COMMD1: variants seen among roughly 807,000 people sequenced by gnomAD.
COMMD1 encodes the protein copper metabolism domain containing 1, also known as COMM domain-containing protein 1.
Under a neutral mutation model 17.2 loss-of-function variants are expected in COMMD1, and 10 were observed. The observed-to-expected ratio is 0.58, with a 90% confidence interval of 0.36 to 0.99. The LOEUF is 0.99. Ranked by LOEUF, COMMD1 falls within the 50% of genes least tolerant of loss-of-function variation. The probability of loss-of-function intolerance (pLI) is 0.01; values close to 1 mark genes in which losing one functional copy is unlikely to be tolerated. For missense variants in COMMD1, 270 were observed against 231.8 expected (o/e 1.17, Z -1.07); for synonymous variants, 97 against 91.6 (o/e 1.06, Z -0.34).
intron 2 of COMMD1, among the ~76,000 whole-genome samples, chr2:62,022,296 A>T (rs555911082): frequency 9.3e-5 from 14 of 150,566 alleles, no homozygotes; most frequent in South Asian, 2.1e-4. Context: ...CCTCTGTCAG[A>T]CTCTTAAGAA....
chr2:62,127,666 T>A (rs1436267947), intron 2 of COMMD1, among the ~76,000 whole-genome samples: 1 of 152,184 alleles, frequency 6.6e-6, no homozygotes, highest in Non-Finnish European at 1.5e-5. Flanking sequence ...GAGAACTGGC[T>A]AGCCATATGC....
Position 61,978,386 on chromosome 2 carries a change from G to C in COMMD1, c.181-22315G>C, listed in dbSNP as rs569972002. 1.8e-4 allele frequency among the ~76,000 whole-genome samples: 28 copies of C among 152,194 alleles called. 1 individual carries two copies. The highest frequency in any genetic ancestry group is 1.7e-3 in the Admixed American group (26 of 15,290). On this transcript the variant is annotated intron_variant, in intron 1 of 2. Coordinates refer to ENST00000311832, the MANE Select transcript of COMMD1 (RefSeq NM_152516.4). ...GTTGTACAAATGTGAAATTTTAGGG[G>C]ACTTATTTGGGACTAAAAGACAGGC...
At chr2:62,030,513 A>G (rs1482625278) in intron 2 of COMMD1, among the ~76,000 whole-genome samples, 11 of 152,212 alleles carry the variant, frequency 7.2e-5, no homozygotes, top group Non-Finnish European at 4.4e-5. Context: ...TGTGACAACC[A>G]AAAGTGTTCC....
intron 1 of COMMD1, among the ~76,000 whole-genome samples, chr2:61,974,022 C>T (rs906001646): frequency 2.0e-5 from 3 of 152,222 alleles, no homozygotes; most frequent in South Asian, 2.1e-4. Flanking sequence ...GGGCTGGGCG[C>T]GATGGCTCAC....
intron 1 of COMMD1, among the ~76,000 whole-genome samples, chr2:61,912,580 CA>C (rs370474130): frequency 6.6e-6 from 1 of 152,032 alleles, no homozygotes; most frequent in Non-Finnish European, 1.5e-5. Flanking sequence ...ACTAAAAATA[CA>C]AAAATTAGCT....
At chr2:62,128,465 A>G (rs1296305457) in intron 2 of COMMD1, among the ~76,000 whole-genome samples, 3 of 152,214 alleles carry the variant, frequency 2.0e-5, no homozygotes, top group Non-Finnish European at 4.4e-5. Context: ...TTTCATGACG[A>G]AATCACCAAA....
chr2:62,022,498 A>T (rs1352011610), intron 2 of COMMD1, among the ~76,000 whole-genome samples: 2 of 119,076 alleles, frequency 1.7e-5, no homozygotes, highest in Admixed American at 9.4e-5. Flanking sequence ...GTGTATGTTG[A>T]GGCACTTGGT....
chr2:62,008,042 T>G (rs1031451943), intron 2 of COMMD1, among the ~76,000 whole-genome samples: 2 of 152,058 alleles, frequency 1.3e-5, no homozygotes, highest in East Asian at 3.9e-4. Flanking sequence ...ATTAGCCAGA[T>G]GTGATACTGC....
At chr2:62,063,868 A>ATATATAT (rs1670947199) in intron 2 of COMMD1, among the ~76,000 whole-genome samples, 1 of 81,174 alleles carries the variant, frequency 1.2e-5, no homozygotes, top group African/African-American at 4.9e-5. Context: ...GTCTCTACAA[A>ATATATAT]ATATATATAT....
intron 2 of COMMD1, among the ~76,000 whole-genome samples, chr2:62,031,794 G>A (rs985556690): frequency 2.0e-5 from 3 of 152,128 alleles, no homozygotes; most frequent in African/African-American, 7.2e-5. Context: ...GATCTCTAAC[G>A]AATTATACAG....
intron 2 of COMMD1, among the ~76,000 whole-genome samples, chr2:62,018,534 GT>G (rs1558564429): frequency 6.6e-6 from 1 of 152,040 alleles, no homozygotes; most frequent in Non-Finnish European, 1.5e-5. Flanking sequence ...TCAGATCACT[GT>G]TTCAGTTTTT....
chr2:61,888,639 G>C (rs1669322864), upstream of COMMD1: 1 of 1,073,900 alleles, frequency 9.3e-7, no homozygotes, highest in South Asian at 1.7e-5. Context: ...GCGTCGGGAG[G>C]AGGCGGAGGC....
chr2:62,038,848 C>T (rs1670109488), intron 2 of COMMD1, among the ~76,000 whole-genome samples: 2 of 152,088 alleles, frequency 1.3e-5, no homozygotes, highest in South Asian at 4.1e-4. Context: ...CACTCCTAGC[C>T]TGTTTCCTTA....
intron 2 of COMMD1, among the ~76,000 whole-genome samples, chr2:62,019,115 C>T (rs1424341767): frequency 8.3e-6 from 1 of 121,012 alleles, no homozygotes; most frequent in Non-Finnish European, 1.7e-5. Context: ...CTCCCTCCCT[C>T]CCTCCCTCCC....
chr2:62,050,534 T>G (rs967708514), intron 2 of COMMD1, among the ~76,000 whole-genome samples: 4 of 152,214 alleles, frequency 2.6e-5, no homozygotes, highest in Non-Finnish European at 5.9e-5. Flanking sequence ...TCCTTTATAG[T>G]TTTCTCACTT....
At chr2:62,089,444 C>T (rs545789680) in intron 2 of COMMD1, among the ~76,000 whole-genome samples, 1 of 152,046 alleles carries the variant, frequency 6.6e-6, no homozygotes, top group South Asian at 2.1e-4. Context: ...CTACCACATC[C>T]GGCTAATTTT....
intron 2 of COMMD1, among the ~76,000 whole-genome samples, chr2:62,070,761 G>A (rs2103959997): frequency 6.6e-6 from 1 of 152,302 alleles, no homozygotes; most frequent in Non-Finnish European, 1.5e-5. Flanking sequence ...CAGGTGCAGT[G>A]GCTCACGCCT....
At chr2:61,996,755 C>A (rs1464287395) in intron 1 of COMMD1, among the ~76,000 whole-genome samples, 1 of 152,172 alleles carries the variant, frequency 6.6e-6, no homozygotes, top group East Asian at 1.9e-4. Flanking sequence ...AAGATTGCAG[C>A]AATTCAATCA....
rs558493799 is a variant in COMMD1, at chr2:62,121,959, T to G, written c.463-13872T>G. ...GGTACCCACCACCGTGCCCAGCTAA[T>G]TTTTTGTATTTTTTGTAGAGACGGG... On this transcript the variant is annotated intron_variant, in intron 2 of 2. Transcript: ENST00000311832. Among the ~76,000 whole-genome samples, 5 of 152,102 alleles carry G rather than the reference T, an allele frequency of 3.3e-5. No homozygotes were observed. In the South Asian group the frequency reaches 6.2e-4, roughly 19 times the overall value.
Sources: allele counts gnomAD v4.1 joint callset (sites outside exome capture counted in the v4.1 genomes callset), GRCh38; gene constraint gnomAD v4.1.1; transcripts MANE v1.5; gene names NCBI Gene and HGNC (gene_info 2026-07-23, HGNC 2026-07-21).